Variants in ADGRV1 observed in about 807,000 individuals in gnomAD.
ADGRV1 encodes the protein adhesion G protein-coupled receptor V1.
In ADGRV1, 359 loss-of-function variants were observed where a neutral mutation model predicts 596.2. That is an observed-to-expected ratio of 0.60 (90% CI 0.55 to 0.66). The LOEUF is 0.66. ADGRV1 is among the 30% of genes least tolerant of loss of function. ADGRV1 has a pLI of 0.00. For missense variants in ADGRV1, 7,274 were observed against 7,575.6 expected (o/e 0.96, Z 1.48); for synonymous variants, 2,681 against 2,679.2 (o/e 1.00, Z -0.02).
In ADGRV1 at chr5:90,711,023, A is replaced by G; in HGVS notation, c.8867A>G (p.Asp2956Gly). ...GCACAAGTTATTATTGATGCCAATG[A>G]TGGGGCCCGAGGTGTAATTGAATGG... The part of the protein sequence containing the change: ...LTAQVIIDAN[D>G]GARGVIEWQQ... Residue 2956 changes from aspartate (D) to glycine (G), a missense_variant, in exon 40 of 90, where the codon GAT becomes GGT. Transcript: ENST00000405460. 1.2e-6 allele frequency: 2 copies of G among 1,611,418 alleles called. No homozygotes were observed. Among genetic ancestry groups the G allele is most frequent in the East Asian group, 2.2e-5 (1 of 44,826 alleles).
At chr5:91,118,381 A>G (rs1248850127) in intron 87 of ADGRV1, among the ~76,000 whole-genome samples, 1 of 152,108 alleles carries the variant, frequency 6.6e-6, no homozygotes, top group Non-Finnish European at 1.5e-5. Flanking sequence ...CAAAAAAAAA[A>G]ACTTCCAAAA....
rs551884859 is a variant in ADGRV1 at position 90,794,837 on chromosome 5, G to A, written c.14517+3491G>A. On this transcript the variant is annotated intron_variant, in intron 70 of 89. Transcript: ENST00000405460. ...GGGTGCAGTCCATGGAGGGCAAGCC[G>A]AAGCAGGGTAGGGTGACGCCTCACC... Among the ~76,000 whole-genome samples, 209 of 152,188 alleles carry A rather than the reference G, an allele frequency of 1.4e-3. 1 individual carries two copies. The highest frequency in any genetic ancestry group is 4.8e-3 in the African/African-American group (198 of 41,524).
chr5:90,776,595 T>C lies in ADGRV1; in HGVS notation c.12527+19T>C. The C allele has an allele frequency of 6.2e-7, 1 of 1,612,932 alleles. No individual in the cohort carries two copies. The highest frequency in any genetic ancestry group is 8.5e-7 in the Non-Finnish European group (1 of 1,179,138). On this transcript the variant is annotated intron_variant, in intron 61 of 89. Transcript: ENST00000405460. The stretch of plus-strand genomic sequence containing the variant: ...TTATCAGGTAAGGACTTCATGATTT[T>C]TCTTTGCCTATATGGGGGTTACGAA...
chr5:91,134,315 G>A (rs2973457), intron 87 of ADGRV1, among the ~76,000 whole-genome samples: 10,110 of 151,954 alleles, frequency 0.067, 723 homozygotes, highest in African/African-American at 0.18. Flanking sequence ...AGCATCCCAG[G>A]TAGCTGGGAT....
At chr5:90,872,199 A>G (rs1031586369) in intron 83 of ADGRV1, among the ~76,000 whole-genome samples, 1 of 152,172 alleles carries the variant, frequency 6.6e-6, no homozygotes, top group Non-Finnish European at 1.5e-5. Context: ...CTTTCCTTGT[A>G]CTATAGGTAA....
rs3041948 is a variant in ADGRV1, at chr5:90,627,917, GACACACACAC to G, written c.1238+177_1238+186del. ...AAAGTTTCATGACAAACTCAGAAAA[GACACACACAC>G]ACACACACACACACACACACACACA... On this transcript the variant is annotated intron_variant, in intron 7 of 89. Transcript: ENST00000405460. The G allele has an allele frequency of 8.3e-3, 1,906 of 230,364 alleles. 14 individuals are homozygous for G. Among genetic ancestry groups the G allele is most frequent in the East Asian group, 0.065 (768 of 11,832 alleles). 14.3% of individuals were successfully genotyped at this position (230,364 alleles called of 1,614,324 possible). A position where few individuals can be genotyped will look rare whatever the true frequency, so the allele number is the denominator to read the frequency against.
intron 87 of ADGRV1, among the ~76,000 whole-genome samples, chr5:91,104,928 C>T (rs555367986): frequency 2.1e-5 from 3 of 145,636 alleles, no homozygotes; most frequent in Admixed American, 1.4e-4. Flanking sequence ...GGCGCGAACT[C>T]AGCTCACTGC....
At chr5:91,145,194 T>A (rs764958595) in intron 87 of ADGRV1, among the ~76,000 whole-genome samples, 1 of 151,720 alleles carries the variant, frequency 6.6e-6, no homozygotes, top group African/African-American at 2.4e-5. Context: ...TCTATGCTTT[T>A]AAGAAAAAAA....
At chr5:90,581,534 G>A (rs1406808936) in intron 1 of ADGRV1, among the ~76,000 whole-genome samples, 1 of 152,128 alleles carries the variant, frequency 6.6e-6, no homozygotes, top group Non-Finnish European at 1.5e-5. Flanking sequence ...AGGTCAATTG[G>A]AGTTTGCTGG....
In ADGRV1 at chr5:90,783,823, C is replaced by T. The variant is rs1759124055; in HGVS notation, c.13434-15C>T. On this transcript the variant is annotated splice_polypyrimidine_tract_variant and intron_variant, in intron 66 of 89. Coordinates refer to ENST00000405460, the MANE Select transcript of ADGRV1 (RefSeq NM_032119.4). Reference sequence around the variant, plus strand: ...TATGTTTAGACTCACAGAATTGCTCCTTCTTGCCATGCAGTGAATTTGAGG... The same window carrying T: ...TATGTTTAGACTCACAGAATTGCTCTTTCTTGCCATGCAGTGAATTTGAGG... 21 of 1,578,950 alleles carry T rather than the reference C, an allele frequency of 1.3e-5. No homozygotes were observed. The highest frequency in any genetic ancestry group is 1.6e-5 in the Non-Finnish European group (19 of 1,158,502).
intron 83 of ADGRV1, among the ~76,000 whole-genome samples, chr5:90,912,559 C>T (rs1772985196): frequency 6.6e-6 from 1 of 152,012 alleles, no homozygotes; most frequent in Non-Finnish European, 1.5e-5. Context: ...TCTAGTAGTC[C>T]CCACTGTCTA....
At chr5:90,815,546 C>T (rs1762810743) in intron 74 of ADGRV1, 73 bp from the exon 75 acceptor site, 4 of 809,516 alleles carry the variant, frequency 4.9e-6, no homozygotes, top group Non-Finnish European at 4.1e-6. Context: ...TCTGAGCTGG[C>T]AAGATTAGTG....
intron 83 of ADGRV1, among the ~76,000 whole-genome samples, chr5:90,965,022 A>C (rs1778334898): frequency 6.6e-6 from 1 of 152,218 alleles, no homozygotes; most frequent in South Asian, 2.1e-4. Context: ...TGGTAAAGTC[A>C]AGGATTTTAT....
chr5:90,584,720 G>A (rs1758525424), intron 1 of ADGRV1, among the ~76,000 whole-genome samples: 1 of 152,210 alleles, frequency 6.6e-6, no homozygotes, highest in Non-Finnish European at 1.5e-5. Context: ...AGTGGTGCAA[G>A]AGACCAGAAG....
chr5:91,125,308 A>C (rs1332698880), intron 87 of ADGRV1, among the ~76,000 whole-genome samples: 1 of 152,210 alleles, frequency 6.6e-6, no homozygotes, highest in Non-Finnish European at 1.5e-5. Context: ...AGTGCATTTC[A>C]TTCACTTTGG....
intron 87 of ADGRV1, among the ~76,000 whole-genome samples, chr5:91,118,857 T>G (rs1370450909): frequency 6.6e-6 from 1 of 152,088 alleles, no homozygotes; most frequent in Non-Finnish European, 1.5e-5. Flanking sequence ...TTGGCACTGC[T>G]TGTATCTCTG....
chr5:90,947,787 A>C (rs565829085), intron 83 of ADGRV1, among the ~76,000 whole-genome samples: 2 of 152,178 alleles, frequency 1.3e-5, no homozygotes, highest in African/African-American at 2.4e-5. Flanking sequence ...GAGTGAAACG[A>C]GAATCCACAT....
intron 70 of ADGRV1, among the ~76,000 whole-genome samples, chr5:90,796,471 G>T (rs1760727814): frequency 6.6e-6 from 1 of 152,068 alleles, no homozygotes; most frequent in Non-Finnish European, 1.5e-5. Flanking sequence ...AAGAAATATG[G>T]GACTATGTGA....
At chr5:91,061,102 C>G (rs1026952305) in intron 85 of ADGRV1, among the ~76,000 whole-genome samples, 1 of 152,158 alleles carries the variant, frequency 6.6e-6, no homozygotes, top group African/African-American at 2.4e-5. Flanking sequence ...TTCCAGGCAC[C>G]TTTTGCCCTC....
Sources: gnomAD v4.1 joint callset for allele counts (sites outside exome capture counted in the v4.1 genomes callset) on GRCh38, gnomAD v4.1.1 for gene constraint, MANE v1.5 for transcripts, NCBI Gene and HGNC (gene_info 2026-07-23, HGNC 2026-07-21) for gene names.